The following FLOT2 variants were observed in gnomAD, a reference collection of about 807,000 sequenced individuals.
FLOT2 encodes flotillin-2.
FLOT2 carries 35 observed loss-of-function variants against 54.9 expected under a neutral mutation model. The ratio of observed to expected loss-of-function variants is 0.64; its 90% CI spans 0.49 to 0.84. The LOEUF is 0.84. Ranked by LOEUF, FLOT2 falls within the 40% of genes least tolerant of loss-of-function variation. FLOT2 has a pLI of 0.00. For synonymous variants in FLOT2, 207 were observed against 228.9 expected (o/e 0.90, Z 0.86); for missense variants, 464 against 572.1 (o/e 0.81, Z 1.93).
rs1232561171 is a variant in FLOT2 at position 28,890,857 on chromosome 17, TTCTTC to T, written c.50-1836_50-1832del. ...GGGAAAAACCAGAGAGTGTTATCAT[TTCTTC>T]TTTTTTTTTTTTTTTTTGAGACAGG... On this transcript the variant is annotated intron_variant, in intron 1 of 10. Transcript: ENST00000394908. Among the ~76,000 whole-genome samples the T allele has an allele frequency of 6.1e-4, 22 of 36,066 alleles. 1 individual carries two copies. The highest frequency in any genetic ancestry group is 5.5e-3 in the Admixed American group (16 of 2,916). The allele number at this position is 36,066 out of a possible 152,430, so 23.7% of individuals were successfully genotyped here.
Position 28,881,210 on chromosome 17 carries a change from C to A in FLOT2, c.1080G>T (p.Val360=), listed in dbSNP as rs2039441018. The A allele has an allele frequency of 6.2e-7, 1 of 1,613,942 alleles. No homozygotes were observed. The highest frequency in any genetic ancestry group is 2.2e-5 in the East Asian group (1 of 44,876). The part of the protein sequence containing the change: ...KYGDAAKMAL[V]LEALPQIAAK... ...GCCTCACCTGGGGCAGGGCCTCTAG[C>A]ACCAAGGCCATCTTGGCTGCATCCC... The change falls in exon 9 of 11, where the codon GTG becomes GTT. Residue 360 remains valine, a synonymous_variant. Transcript: ENST00000394908.
In FLOT2 at chr17:28,879,371, G is replaced by A. The variant is rs938821531; in HGVS notation, c.*1190C>T. 4 of 988,114 alleles carry A rather than the reference G, an allele frequency of 4.0e-6. No individual in the cohort carries two copies. The African/African-American group carries it at 7.0e-5, about 17-fold the overall frequency. 61.2% of individuals were successfully genotyped at this position (988,114 alleles called of 1,614,324 possible). ...TAAGAGTTCTTTATTTTACCAGAAG[G>A]GACAGGCAGTGGGGCAGTGCAACAT... On this transcript the variant is annotated 3_prime_UTR_variant, in exon 11 of 11. Coordinates refer to ENST00000394908, the MANE Select transcript of FLOT2 (RefSeq NM_004475.3).
rs2039766359 is a variant in FLOT2, at chr17:28,897,616, G to A, written c.-42C>T. The A allele has an allele frequency of 2.6e-6, 4 of 1,512,884 alleles. No individual in the cohort carries two copies. The highest frequency in any genetic ancestry group is 3.5e-6 in the Non-Finnish European group (4 of 1,129,048). The allele number at this position is 1,512,884 out of a possible 1,614,324, so 93.7% of individuals were successfully genotyped here. A position where few individuals can be genotyped will look rare whatever the true frequency, so the allele number is the denominator to read the frequency against. On this transcript the variant is annotated 5_prime_UTR_variant, in exon 1 of 11. Coordinates refer to ENST00000394908, the MANE Select transcript of FLOT2 (RefSeq NM_004475.3). The surrounding 1 kb of genome is among the most constrained non-coding windows in gnomAD (Gnocchi z 4.4). Reference sequence around the variant, plus strand: ...AGGGCCCTCGGGACCGCACAGACCCGGACAACAGCAGCGGGTCTGCAGCGC... The same window carrying A: ...AGGGCCCTCGGGACCGCACAGACCCAGACAACAGCAGCGGGTCTGCAGCGC...
chr17:28,881,191 C>T lies in FLOT2; in HGVS notation c.1098+1G>A. 6.2e-7 allele frequency: 1 copy of T among 1,612,950 alleles called. No individual in the cohort carries two copies. The highest frequency in any genetic ancestry group is 1.1e-5 in the South Asian group (1 of 90,878). Reference sequence around the variant, plus strand: ...AGGACCCGCTTGGGTGGAAGCCTCACCTGGGGCAGGGCCTCTAGCACCAAG... The same window carrying T: ...AGGACCCGCTTGGGTGGAAGCCTCATCTGGGGCAGGGCCTCTAGCACCAAG... On this transcript the variant is annotated splice_donor_variant, in intron 9 of 10. Coordinates refer to ENST00000394908, the MANE Select transcript of FLOT2 (RefSeq NM_004475.3). LOFTEE classifies it high-confidence loss of function.
chr17:28,880,876 G>C lies in FLOT2; in HGVS notation c.1099-14C>G. On this transcript the variant is annotated splice_polypyrimidine_tract_variant and intron_variant, in intron 9 of 10. Transcript: ENST00000394908. ...TTTGGCAGCAATCTAGGAGGTAAGA[G>C]TGGGAGGACAGCCTGGTTGGCGCTG... is the stretch of plus-strand genomic sequence containing the variant. The C allele has an allele frequency of 6.2e-7, 1 of 1,613,766 alleles. No homozygotes were observed. The highest frequency in any genetic ancestry group is 8.5e-7 in the Non-Finnish European group (1 of 1,179,888).
rs748228152 is a variant in FLOT2 at position 28,883,278 on chromosome 17, A to G, written c.223-47T>C. ...CTTCAGCTAGGCTGGAGCGAGGCAG[A>G]CAAAGGCCCCAGACCCAGAGGTAGG... On this transcript the variant is annotated intron_variant, in intron 3 of 10. Coordinates refer to ENST00000394908, the MANE Select transcript of FLOT2 (RefSeq NM_004475.3). This position sits in a 1 kb window ranked among gnomAD's most constrained non-coding sequence, Gnocchi z 5.0. 1 of 1,611,074 alleles carries G rather than the reference A, an allele frequency of 6.2e-7. No homozygotes were observed. The highest frequency in any genetic ancestry group is 1.3e-5 in the African/African-American group (1 of 74,880).
rs539709269 is a variant in FLOT2, at chr17:28,891,005, C to T, written c.50-1979G>A. On this transcript the variant is annotated intron_variant, in intron 1 of 10. Transcript: ENST00000394908. The stretch of plus-strand genomic sequence containing the variant: ...AATCCATCCTCCCACCTTAGCTTCT[C>T]GAGTAGCTGGAACCGCAGGTGTGTG... Among the ~76,000 whole-genome samples the T allele has an allele frequency of 1.8e-3, 266 of 151,916 alleles. 1 individual carries two copies. Among genetic ancestry groups the T allele is most frequent in the African/African-American group, 6.1e-3 (254 of 41,378 alleles).
intron 2 of FLOT2, chr17:28,886,067 G>GGGGGGGGGA: frequency 1.7e-6 from 1 of 579,700 alleles, no homozygotes; most frequent in Non-Finnish European, 3.2e-6. Context: ...GCGGGGGGGG[G>GGGGGGGGGA]CATGCTGTCA....
Position 28,883,370 on chromosome 17 carries a change from G to T in FLOT2, c.223-139C>A. ...TGGAGGCCCTGGGGGGCTGGAATCT[G>T]TCTGAAGCCTCTAGTGGGGAGACAG... is the stretch of plus-strand genomic sequence containing the variant. On this transcript the variant is annotated intron_variant, in intron 3 of 10. Transcript: ENST00000394908. This position sits in a 1 kb window ranked among gnomAD's most constrained non-coding sequence, Gnocchi z 5.0. The T allele has an allele frequency of 9.7e-7, 1 of 1,026,900 alleles. No homozygotes were observed. The highest frequency in any genetic ancestry group is 1.4e-6 in the Non-Finnish European group (1 of 691,972). The allele number at this position is 1,026,900 out of a possible 1,614,324, so 63.6% of individuals were successfully genotyped here. A position where few individuals can be genotyped will look rare whatever the true frequency, so the allele number is the denominator to read the frequency against.
intron 1 of FLOT2, among the ~76,000 whole-genome samples, chr17:28,890,462 C>G (rs1210901366): frequency 6.6e-6 from 1 of 151,494 alleles, no homozygotes; most frequent in Non-Finnish European, 1.5e-5. Flanking sequence ...TCTCAGCTCA[C>G]TGCAAGCTCC....
chr17:28,886,065 G>GGA, intron 2 of FLOT2: 4 of 596,204 alleles, frequency 6.7e-6, no homozygotes, highest in Non-Finnish European at 6.2e-6. Flanking sequence ...GGGCGGGGGG[G>GGA]GGCATGCTGT....
chr17:28,888,956 G>A lies in FLOT2; in HGVS notation c.120C>T (p.Ser40=), dbSNP rs919419666. Residue 40 remains serine, a synonymous_variant, in exon 2 of 11, where the codon TCC becomes TCT. Coordinates refer to ENST00000394908, the MANE Select transcript of FLOT2 (RefSeq NM_004475.3). ...GGWAWAWWCI[S]DTQRISLEIM... is the part of the protein sequence containing the mutation. ...CCCCAGGTGCTTACCTCTGAGTGTC[G>A]GAGATACACCACCAGGCCCAGGCCC... The A allele has an allele frequency of 6.2e-6, 10 of 1,614,008 alleles. No individual in the cohort carries two copies. Among genetic ancestry groups the A allele is most frequent in the Middle Eastern group, 3.3e-4 (2 of 6,062 alleles).
Position 28,897,452 on chromosome 17 carries a change from C to T in FLOT2, c.49+74G>A. ...CGCGGTGGACTCAGGCCCAGCTCTT[C>T]CCCGTGCACTCCCCAGCCCTGCACC... On this transcript the variant is annotated intron_variant, in intron 1 of 10. Transcript: ENST00000394908. This position sits in a 1 kb window ranked among gnomAD's most constrained non-coding sequence, Gnocchi z 4.4. 7.1e-7 allele frequency: 1 copy of T among 1,411,456 alleles called. No homozygotes were observed. The highest frequency in any genetic ancestry group is 1.3e-5 in the South Asian group (1 of 78,736). The allele number at this position is 1,411,456 out of a possible 1,614,324, so 87.4% of individuals were successfully genotyped here.
At chr17:28,890,083 G>A (rs960354344) in intron 1 of FLOT2, among the ~76,000 whole-genome samples, 10 of 152,224 alleles carry the variant, frequency 6.6e-5, no homozygotes, top group Non-Finnish European at 1.2e-4. Context: ...CAACCAAGGC[G>A]AGAGGGTTTG....
At position 28,886,060 on chromosome 17, in the gene FLOT2, G is replaced by GGC. The variant is rs1254910253; in HGVS notation, c.132-1746_132-1745insGC. ...CACCGATGCCTGACGCCTGGGGGCG[G>GGC]GGGGGGGCATGCTGTCAGTAATCCA... On this transcript the variant is annotated intron_variant, in intron 2 of 10. Coordinates refer to ENST00000394908, the MANE Select transcript of FLOT2 (RefSeq NM_004475.3). 4.5e-4 allele frequency: 289 copies of GGC among 640,552 alleles called. 3 individuals are homozygous for GGC. The African/African-American group carries it at 5.4e-3, about 12-fold the overall frequency. The allele number at this position is 640,552 out of a possible 1,614,324, so 39.7% of individuals were successfully genotyped here.
Position 28,881,796 on chromosome 17 carries a change from C to A in FLOT2, c.914+18G>T. 1 of 1,610,710 alleles carries A rather than the reference C, an allele frequency of 6.2e-7. No individual in the cohort carries two copies. Among genetic ancestry groups the A allele is most frequent in the Non-Finnish European group, 8.5e-7 (1 of 1,179,266 alleles). The stretch of plus-strand genomic sequence containing the variant: ...GAGCCTGACTAAGCCCTGACCCCGG[C>A]ACCTGGGCGGCTCTCACTTTTCACC... On this transcript the variant is annotated intron_variant, in intron 8 of 10. Transcript: ENST00000394908.
Position 28,880,277 on chromosome 17 carries a change from T to C in FLOT2, c.*284A>G. ...CATCTTCAGCTTAATCTACATGATGTGCATGGGGGAAAGAAAAAGACAGAC... is the reference window on the plus strand; with the variant it reads ...CATCTTCAGCTTAATCTACATGATGCGCATGGGGGAAAGAAAAAGACAGAC... On this transcript the variant is annotated 3_prime_UTR_variant, in exon 11 of 11. Transcript: ENST00000394908. The C allele has an allele frequency of 7.5e-7, 1 of 1,325,814 alleles. No homozygotes were observed. Among genetic ancestry groups the C allele is most frequent in the Non-Finnish European group, 9.7e-7 (1 of 1,036,088 alleles). 82.1% of individuals were successfully genotyped at this position (1,325,814 alleles called of 1,614,324 possible).
At chr17:28,895,970 G>T (rs7215315) in intron 1 of FLOT2, among the ~76,000 whole-genome samples, 105,303 of 151,880 alleles carry the variant, frequency 0.69, 36,620 homozygotes, top group South Asian at 0.8. Flanking sequence ...CTCTGCTCTC[G>T]CAGGAGTCCA....
rs1191062684 is a variant in FLOT2 at position 28,889,032 on chromosome 17, G to A, written c.50-6C>T. 6.2e-7 allele frequency: 1 copy of A among 1,613,760 alleles called. No individual in the cohort carries two copies. The highest frequency in any genetic ancestry group is 1.3e-5 in the African/African-American group (1 of 75,004). ...GTCGGAACCACAACAGCCCCCTGGG[G>A]AGCAAAGCAAACCACCGCAAGTCAG... On this transcript the variant is annotated splice_polypyrimidine_tract_variant and splice_region_variant and intron_variant, in intron 1 of 10. Coordinates refer to ENST00000394908, the MANE Select transcript of FLOT2 (RefSeq NM_004475.3).
Sources: gnomAD v4.1 joint callset for allele counts (sites outside exome capture counted in the v4.1 genomes callset) on GRCh38, gnomAD v4.1.1 for gene constraint, Gnocchi (gnomAD v3.1) non-coding constraint, MANE v1.5 for transcripts, NCBI Gene and HGNC (gene_info 2026-07-23, HGNC 2026-07-21) for gene names.